PCDH15: variants seen among roughly 807,000 people sequenced by gnomAD.
PCDH15 encodes protocadherin related 15.
Under a neutral mutation model 178.5 loss-of-function variants are expected in PCDH15, and 129 were observed. The observed-to-expected ratio is 0.72, with a 90% CI of 0.63 to 0.84. PCDH15 has a LOEUF of 0.84. PCDH15 is among the 40% of genes least tolerant of loss of function. PCDH15 has a pLI of 0.00. For missense variants in PCDH15, 2,230 were observed against 2,099.9 expected (o/e 1.06, Z -1.21); for synonymous variants, 800 against 732.0 (o/e 1.09, Z -1.50).
rs188024978 is a variant in PCDH15 at position 54,041,309 on chromosome 10, T to C, written c.2221-18112A>G. 4.6e-5 allele frequency among the ~76,000 whole-genome samples: 7 copies of C among 152,204 alleles called. 1 individual carries two copies. The highest frequency in any genetic ancestry group is 1.7e-4 in the African/African-American group (7 of 41,560). ...TCATAACATTACAAAATAATTATGC[T>C]ATAAGTTTGATTTGACTTAACCATA... On this transcript the variant is annotated intron_variant, in intron 18 of 37. Coordinates refer to ENST00000644397, the MANE Select transcript of PCDH15 (RefSeq NM_001384140.1).
intron 3 of PCDH15, chr10:54,486,370 G>T (rs1290941661): frequency 6.6e-6 from 1 of 151,900 alleles, no homozygotes; most frequent in Non-Finnish European, 1.5e-5. Context: ...TTAGAGTATG[G>T]ATATTTGAAA....
At chr10:54,180,574 T>C (rs1022735172) in intron 13 of PCDH15, among the ~76,000 whole-genome samples, 9 of 152,144 alleles carry the variant, frequency 5.9e-5, no homozygotes, top group Non-Finnish European at 1.2e-4. Flanking sequence ...GTCAGGTCAA[T>C]GGGGAAAGGC....
chr10:55,225,251 C>T (rs893906600), intron 1 of PCDH15, among the ~76,000 whole-genome samples: 2 of 152,044 alleles, frequency 1.3e-5, no homozygotes, highest in Non-Finnish European at 2.9e-5. Context: ...AACAAAAACC[C>T]AATATCCTTA....
chr10:54,171,162 G>A (rs12770655), intron 13 of PCDH15, among the ~76,000 whole-genome samples: 71,189 of 151,438 alleles, frequency 0.47, 17,572 homozygotes, highest in African/African-American at 0.58. Flanking sequence ...GTCTGATAAC[G>A]GACGAGCCTT....
chr10:53,880,877 CAT>C (rs1437204520), intron 26 of PCDH15, among the ~76,000 whole-genome samples: 2 of 152,008 alleles, frequency 1.3e-5, no homozygotes, highest in African/African-American at 2.4e-5. Flanking sequence ...ATAATTGTAA[CAT>C]GTTAATATAA....
chr10:54,727,427 A>C (rs892057756), intron 1 of PCDH15, among the ~76,000 whole-genome samples: 4 of 151,388 alleles, frequency 2.6e-5, no homozygotes, highest in Non-Finnish European at 5.9e-5. Flanking sequence ...AACATACCAG[A>C]CTCTGGGACA....
rs749913281 is a variant in PCDH15, at chr10:54,213,945, C to T, written c.1089G>A (p.Leu363=). Reference sequence around the variant, plus strand: ...TATTAGCTTAATTTACCTTAATAACCAAATCAAATTTCTGGTGAAAGTCTC... The same window carrying T: ...TATTAGCTTAATTTACCTTAATAACTAAATCAAATTTCTGGTGAAAGTCTC... ...VNRDFHQKFD[L]VIKAEQDNGH... Residue 363 remains leucine, a synonymous_variant, in exon 10 of 38, where the codon TTG becomes TTA. Transcript: ENST00000644397. 1.3e-5 allele frequency: 20 copies of T among 1,581,092 alleles called. No individual in the cohort carries two copies. The East Asian group carries it at 3.8e-4, about 30-fold the overall frequency.
At chr10:55,184,525 T>C (rs1839742625) in intron 1 of PCDH15, among the ~76,000 whole-genome samples, 1 of 152,016 alleles carries the variant, frequency 6.6e-6, no homozygotes, top group African/African-American at 2.4e-5. Flanking sequence ...TGATGAATAA[T>C]ATGTTACTTG....
At chr10:55,546,218 T>C (rs913062853) in intron 2 of PCDH15, among the ~76,000 whole-genome samples, 3 of 152,280 alleles carry the variant, frequency 2.0e-5, no homozygotes, top group Admixed American at 6.5e-5. Context: ...GTACAATTGA[T>C]CTTAACAAAA....
chr10:55,108,101 C>T (rs190301989), intron 2 of PCDH15, among the ~76,000 whole-genome samples: 1 of 152,216 alleles, frequency 6.6e-6, no homozygotes, highest in East Asian at 1.9e-4. Context: ...AGAAACCAGC[C>T]ATTTCTGAAC....
chr10:54,844,181 A>T (rs972467623), intron 3 of PCDH15, among the ~76,000 whole-genome samples: 1 of 152,020 alleles, frequency 6.6e-6, no homozygotes, highest in Non-Finnish European at 1.5e-5. Flanking sequence ...GGTGCTAGTG[A>T]TGATTCAGAT....
chr10:54,524,684 T>C (rs1235421810), intron 3 of PCDH15, among the ~76,000 whole-genome samples: 1 of 152,240 alleles, frequency 6.6e-6, no homozygotes, highest in Non-Finnish European at 1.5e-5. Context: ...TAATGTGATC[T>C]GTTTCTCTAA....
chr10:54,383,665 T>G (rs1252308977), intron 3 of PCDH15, among the ~76,000 whole-genome samples: 11 of 102,420 alleles, frequency 1.1e-4, no homozygotes, highest in Admixed American at 2.1e-4. Context: ...GTGTGTGTGT[T>G]TCAACATAAT....
At chr10:54,239,430 T>G (rs35572218) in intron 8 of PCDH15, among the ~76,000 whole-genome samples, 44,230 of 142,652 alleles carry the variant, frequency 0.31, 7,068 homozygotes, top group Non-Finnish European at 0.37. Flanking sequence ...TATATATATA[T>G]ATAGAGTAAG....
chr10:53,882,251 C>T (rs991408029), intron 26 of PCDH15, among the ~76,000 whole-genome samples: 1 of 149,716 alleles, frequency 6.7e-6, no homozygotes, highest in African/African-American at 2.4e-5. Context: ...TCACTTGATA[C>T]ACTGTTTCCT....
At chr10:54,181,554 A>G (rs955751657) in intron 13 of PCDH15, among the ~76,000 whole-genome samples, 5 of 152,082 alleles carry the variant, frequency 3.3e-5, no homozygotes, top group Admixed American at 6.6e-5. Context: ...CTCTCCCTCC[A>G]TAGTAGTCCC....
At chr10:54,572,289 T>G (rs762568270) in intron 2 of PCDH15, among the ~76,000 whole-genome samples, 6 of 152,114 alleles carry the variant, frequency 3.9e-5, no homozygotes, top group African/African-American at 7.2e-5. Flanking sequence ...TCCTGATATT[T>G]GTGGCTTTTA....
chr10:54,582,667 C>A (rs1006856472), intron 2 of PCDH15, among the ~76,000 whole-genome samples: 36 of 152,048 alleles, frequency 2.4e-4, no homozygotes, highest in African/African-American at 7.7e-4. Flanking sequence ...AATCACAACA[C>A]TTTGGGAGGC....
In PCDH15 at chr10:54,092,113, A is replaced by G. The variant is rs116195989; in HGVS notation, c.1918-2050T>C. 2.0e-3 allele frequency among the ~76,000 whole-genome samples: 301 copies of G among 152,304 alleles called. 1 individual carries two copies. The highest frequency in any genetic ancestry group is 7.0e-3 in the African/African-American group (292 of 41,574). ...AATAATCTATTGTTTTCACTGCTTC[A>G]TCATCTCAGTAAGTACCTGCAACTC... On this transcript the variant is annotated intron_variant, in intron 15 of 37. Coordinates refer to ENST00000644397, the MANE Select transcript of PCDH15 (RefSeq NM_001384140.1).
Sources: gnomAD v4.1 joint callset for allele counts (sites outside exome capture counted in the v4.1 genomes callset) on GRCh38, gnomAD v4.1.1 for gene constraint, MANE v1.5 for transcripts, NCBI Gene and HGNC (gene_info 2026-07-23, HGNC 2026-07-21) for gene names.